ITFG1: variants seen among roughly 807,000 people sequenced by gnomAD.
The protein encoded by ITFG1 is T-cell immunomodulatory protein.
In ITFG1, 34 loss-of-function variants were observed where a neutral mutation model predicts 81.8. That is an observed-to-expected ratio of 0.42 (90% CI 0.32 to 0.55). ITFG1 has a LOEUF of 0.55. ITFG1 is among the 20% of genes least tolerant of loss of function. The probability of loss-of-function intolerance (pLI) is 0.17; values close to 1 mark genes in which losing one functional copy is unlikely to be tolerated. For synonymous variants in ITFG1, 285 were observed against 270.6 expected (o/e 1.05, Z -0.52); for missense variants, 672 against 755.4 (o/e 0.89, Z 1.29).
chr16:47,171,445 G>A (rs1269462365), intron 14 of ITFG1, among the ~76,000 whole-genome samples: 1 of 151,884 alleles, frequency 6.6e-6, no homozygotes, highest in Non-Finnish European at 1.5e-5. Context: ...TAAACACTCA[G>A]TCTAGCTAAT....
intron 8 of ITFG1, among the ~76,000 whole-genome samples, chr16:47,330,493 A>C (rs1967622084): frequency 6.6e-6 from 1 of 152,086 alleles, no homozygotes; most frequent in African/African-American, 2.4e-5. Flanking sequence ...ACAAATAAAC[A>C]AACCCAAAAA....
intron 8 of ITFG1, among the ~76,000 whole-genome samples, chr16:47,352,127 C>A (rs1013332779): frequency 6.6e-6 from 1 of 152,166 alleles, no homozygotes; most frequent in African/African-American, 2.4e-5. Context: ...CTAGACAATA[C>A]CATTCGGGAC....
At chr16:47,244,218 A>T (rs1287166064) in intron 12 of ITFG1, among the ~76,000 whole-genome samples, 1 of 152,214 alleles carries the variant, frequency 6.6e-6, no homozygotes, top group Non-Finnish European at 1.5e-5. Context: ...AAACGTAAGT[A>T]AAGTGTTTCC....
intron 8 of ITFG1, among the ~76,000 whole-genome samples, chr16:47,330,003 A>G (rs1967615364): frequency 6.6e-6 from 1 of 152,142 alleles, no homozygotes; most frequent in Admixed American, 6.6e-5. Context: ...GGGCAGGGAT[A>G]GGTTACAGAT....
At chr16:47,417,953 A>C (rs1968894505) in intron 6 of ITFG1, among the ~76,000 whole-genome samples, 1 of 152,184 alleles carries the variant, frequency 6.6e-6, no homozygotes, top group African/African-American at 2.4e-5. Context: ...TGAAACATCC[A>C]TACTGTTTTC....
intron 14 of ITFG1, among the ~76,000 whole-genome samples, chr16:47,207,371 ACCGCGCCCGGC>A (rs1965513220): frequency 6.6e-6 from 1 of 152,146 alleles, no homozygotes; most frequent in Non-Finnish European, 1.5e-5. Flanking sequence ...GGCGTGAGCC[ACCGCGCCCGGC>A]CTGCTCTCTT....
At chr16:47,363,162 G>T (rs955971811) in intron 8 of ITFG1, among the ~76,000 whole-genome samples, 1 of 152,134 alleles carries the variant, frequency 6.6e-6, no homozygotes, top group Non-Finnish European at 1.5e-5. Context: ...GCCTCCCAAA[G>T]TGTTGGCATT....
intron 5 of ITFG1, among the ~76,000 whole-genome samples, chr16:47,442,780 C>T (rs1327742369): frequency 6.6e-6 from 1 of 152,118 alleles, no homozygotes; most frequent in African/African-American, 2.4e-5. Context: ...ACATGTTAGC[C>T]CTAAAACCAT....
upstream of ITFG1, chr16:47,461,162 C>T: frequency 9.0e-7 from 1 of 1,113,546 alleles, no homozygotes; most frequent in Non-Finnish European, 1.2e-6. Flanking sequence ...GAGCCGCTGC[C>T]GGCTCCTTTT....
At chr16:47,412,338 A>G (rs1224489153) in intron 6 of ITFG1, among the ~76,000 whole-genome samples, 1 of 152,158 alleles carries the variant, frequency 6.6e-6, no homozygotes, top group Non-Finnish European at 1.5e-5. Context: ...GAAAACTGAA[A>G]CCCAATCTAA....
intron 6 of ITFG1, among the ~76,000 whole-genome samples, chr16:47,400,457 T>TACACACACAC (rs111375193): frequency 1.5e-4 from 21 of 137,046 alleles, no homozygotes; most frequent in African/African-American, 4.6e-4. Flanking sequence ...AGAGTCACTT[T>TACACACACAC]ACACACACAC....
At chr16:47,232,004 A>C (rs540808246) in intron 13 of ITFG1, among the ~76,000 whole-genome samples, 80 of 152,348 alleles carry the variant, frequency 5.3e-4, no homozygotes, top group African/African-American at 1.9e-3. Flanking sequence ...ATGCAACACT[A>C]CTGGCTTTGG....
At chr16:47,187,789 G>T (rs1965240721) in intron 14 of ITFG1, among the ~76,000 whole-genome samples, 1 of 152,216 alleles carries the variant, frequency 6.6e-6, no homozygotes, top group African/African-American at 2.4e-5. Flanking sequence ...AAGAGCTTCT[G>T]CACAGCAAAA....
intron 7 of ITFG1, among the ~76,000 whole-genome samples, chr16:47,371,658 T>C (rs1288143901): frequency 6.6e-6 from 1 of 152,162 alleles, no homozygotes; most frequent in Non-Finnish European, 1.5e-5. Context: ...TTTATTTATG[T>C]AAAGCAGTGG....
chr16:47,399,370 G>A (rs1287686568), intron 6 of ITFG1, among the ~76,000 whole-genome samples: 2 of 152,094 alleles, frequency 1.3e-5, no homozygotes, highest in Non-Finnish European at 2.9e-5. Context: ...TCAGGAGATC[G>A]AGACCATCCT....
In ITFG1 at chr16:47,260,784, G is replaced by A. The variant is rs936938182; in HGVS notation, c.1071-89C>T. On this transcript the variant is annotated intron_variant, in intron 10 of 17. Coordinates refer to ENST00000320640, the MANE Select transcript of ITFG1 (RefSeq NM_030790.5). ...GTATTTCCTAGATTAAAAGGAGACG[G>A]TAAACGGTACACAGTGAAATTACAC... The A allele has an allele frequency of 3.0e-6, 4 of 1,329,816 alleles. No individual in the cohort carries two copies. The African/African-American group carries it at 4.4e-5, about 15-fold the overall frequency. The allele number at this position is 1,329,816 out of a possible 1,614,324, so 82.4% of individuals were successfully genotyped here.
intron 6 of ITFG1, among the ~76,000 whole-genome samples, chr16:47,414,158 G>T (rs141743356): frequency 1.2e-4 from 19 of 152,198 alleles, no homozygotes; most frequent in African/African-American, 4.3e-4. Flanking sequence ...GAGCAATGCT[G>T]CAAACAAACA....
At chr16:47,187,767 CTAAT>C (rs946993976) in intron 14 of ITFG1, among the ~76,000 whole-genome samples, 2 of 152,026 alleles carry the variant, frequency 1.3e-5, no homozygotes, top group African/African-American at 4.8e-5. Flanking sequence ...CAAATGGGAT[CTAAT>C]TAAACCAAAG....
At chr16:47,368,734 G>T (rs1448825958) in intron 7 of ITFG1, among the ~76,000 whole-genome samples, 5 of 151,934 alleles carry the variant, frequency 3.3e-5, no homozygotes, top group East Asian at 1.9e-4. Flanking sequence ...CCCACTGAAG[G>T]TCTATGAATT....
Sources: gnomAD v4.1 joint callset for allele counts (sites outside exome capture counted in the v4.1 genomes callset) on GRCh38, gnomAD v4.1.1 for gene constraint, MANE v1.5 for transcripts, NCBI Gene and HGNC (gene_info 2026-07-23, HGNC 2026-07-21) for gene names.